Variants in PCDH15 observed in about 807,000 individuals in gnomAD.
PCDH15 encodes the protein protocadherin related 15.
PCDH15 carries 129 observed loss-of-function variants against 178.5 expected under a neutral mutation model. That is an observed-to-expected ratio of 0.72 (90% CI 0.63 to 0.84). The LOEUF is 0.84. Among genes scored for constraint, PCDH15 ranks in the 40% least tolerant of loss-of-function variants. The pLI, the probability that PCDH15 is intolerant of heterozygous loss-of-function variation, is 0.00. For missense variants in PCDH15, 2,230 were observed against 2,099.9 expected, an observed-to-expected ratio of 1.06 and a Z score of -1.21; for synonymous variants, 800 against 732.0, an observed-to-expected ratio of 1.09 and a Z score of -1.50.
chr10:55,449,916 GA>G (rs112713950), intron 2 of PCDH15, among the ~76,000 whole-genome samples: 46,997 of 151,788 alleles, frequency 0.31, 7,480 homozygotes, highest in African/African-American at 0.37. Flanking sequence ...CATTAATGAG[GA>G]CTTCATAACA....
At chr10:53,855,999 C>G (rs1035313140) in intron 28 of PCDH15, among the ~76,000 whole-genome samples, 5 of 148,048 alleles carry the variant, frequency 3.4e-5, no homozygotes, top group African/African-American at 5.0e-5. Context: ...TATTGGAGAC[C>G]ATTACTCTAA....
intron 1 of PCDH15, among the ~76,000 whole-genome samples, chr10:55,236,882 G>A (rs2799617): frequency 0.77 from 117,070 of 151,540 alleles, 45,626 homozygotes; most frequent in South Asian, 0.83. Flanking sequence ...ATAATTGATT[G>A]CTGTAATAAT....
intron 2 of PCDH15, among the ~76,000 whole-genome samples, chr10:55,582,589 T>G (rs1842635699): frequency 8.0e-6 from 1 of 125,048 alleles, no homozygotes; most frequent in Non-Finnish European, 1.6e-5. Flanking sequence ...ATTCTGTATG[T>G]GTATGTGTAT....
intron 2 of PCDH15, among the ~76,000 whole-genome samples, chr10:55,454,275 C>A (rs949222474): frequency 1.6e-4 from 25 of 152,006 alleles, no homozygotes; most frequent in African/African-American, 5.8e-4. Flanking sequence ...AATTGCTTAG[C>A]AAAGTTGTTT....
At position 54,275,641 on chromosome 10, in the gene PCDH15, A is replaced by G. The variant is rs74446159; in HGVS notation, c.877-38710T>C. 1.9e-3 allele frequency among the ~76,000 whole-genome samples: 282 copies of G among 151,696 alleles called. 5 individuals are homozygous for G. Among genetic ancestry groups the G allele is most frequent in the African/African-American group, 6.1e-3 (253 of 41,454 alleles). ...GTGGTGTCATTACAACCAAAATACT[A>G]AAAAAATGTGCAAGCCAATCTCAAA... On this transcript the variant is annotated intron_variant, in intron 8 of 37. Transcript: ENST00000644397.
At chr10:53,887,999 A>G (rs914619579) in intron 26 of PCDH15, among the ~76,000 whole-genome samples, 6 of 152,080 alleles carry the variant, frequency 3.9e-5, no homozygotes, top group Admixed American at 3.9e-4. Context: ...ATTAAAAACT[A>G]CAGAAATACT....
chr10:54,323,711 T>C (rs2061751130), intron 7 of PCDH15, among the ~76,000 whole-genome samples: 1 of 152,024 alleles, frequency 6.6e-6, no homozygotes, highest in Admixed American at 6.6e-5. Context: ...TGTGAACTGC[T>C]GGGGCAAGGA....
Position 54,195,819 on chromosome 10 carries a change from T to C in PCDH15, c.1169A>G (p.Asn390Ser), listed in dbSNP as rs397517450. 31 of 1,613,938 alleles carry C rather than the reference T, an allele frequency of 1.9e-5. No homozygotes were observed. Among genetic ancestry groups the C allele is most frequent in the Admixed American group, 1.3e-4 (8 of 60,000 alleles). ...GGGCATTGTAAAATATGGACTTTGA[T>C]TGTTTTCATCCAGTATTTCAATGTG... ...GLHIEILDEN[N>S]QSPYFTMPSY... The change falls in exon 11 of 38, where the codon AAT becomes AGT. Residue 390 changes from asparagine to serine, a missense_variant. Physicochemically the swap from Asn to Ser is conservative, Grantham distance 46 (BLOSUM62 1). Coordinates refer to ENST00000644397, the MANE Select transcript of PCDH15 (RefSeq NM_001384140.1).
intron 3 of PCDH15, among the ~76,000 whole-genome samples, chr10:54,466,623 TTTG>T (rs2077536746): frequency 6.6e-6 from 1 of 152,000 alleles, no homozygotes; most frequent in Non-Finnish European, 1.5e-5. Context: ...TGACTCCAGT[TTTG>T]TTCTTTTCAC....
At chr10:54,359,675 T>C (rs1041870795) in intron 5 of PCDH15, among the ~76,000 whole-genome samples, 2 of 152,038 alleles carry the variant, frequency 1.3e-5, no homozygotes, top group African/African-American at 2.4e-5. Flanking sequence ...GATATACTTA[T>C]AGAATGAAAC....
intron 2 of PCDH15, among the ~76,000 whole-genome samples, chr10:55,597,441 C>G (rs1336315179): frequency 5.9e-5 from 9 of 152,088 alleles, no homozygotes. Context: ...TGAACCTAGT[C>G]AGAACCCTAA....
chr10:55,157,694 CTAT>C (rs1336658665), intron 2 of PCDH15, among the ~76,000 whole-genome samples: 1 of 151,738 alleles, frequency 6.6e-6, no homozygotes, highest in African/African-American at 2.4e-5. Context: ...TCCTAGCAAA[CTAT>C]CACAAGGACA....
chr10:54,638,081 G>A (rs1429472470), intron 2 of PCDH15, among the ~76,000 whole-genome samples: 2 of 151,910 alleles, frequency 1.3e-5, no homozygotes, highest in Admixed American at 1.3e-4. Context: ...CATGGAAACA[G>A]GGAGACTCCC....
At chr10:54,472,512 G>A (rs530644924) in intron 3 of PCDH15, among the ~76,000 whole-genome samples, 12 of 152,074 alleles carry the variant, frequency 7.9e-5, no homozygotes, top group African/African-American at 2.4e-4. Flanking sequence ...CAAAACCCAC[G>A]TATGAAACAA....
Position 53,828,583 on chromosome 10 carries a change from A to G in PCDH15, c.4203-10T>C, listed in dbSNP as rs2132598726. The G allele has an allele frequency of 1.9e-6, 3 of 1,545,902 alleles. No homozygotes were observed. Among genetic ancestry groups the G allele is most frequent in the Non-Finnish European group, 2.7e-6 (3 of 1,118,724 alleles). On this transcript the variant is annotated splice_polypyrimidine_tract_variant and intron_variant, in intron 30 of 37. Coordinates refer to ENST00000644397, the MANE Select transcript of PCDH15 (RefSeq NM_001384140.1). The stretch of plus-strand genomic sequence containing the variant: ...TACTTACACTTTAAACCTGTTTGGG[A>G]AAGCAAGAGTAAGAAAAATAGAAAG...
intron 2 of PCDH15, among the ~76,000 whole-genome samples, chr10:55,157,565 A>G (rs1328852799): frequency 1.3e-5 from 2 of 149,698 alleles, no homozygotes; most frequent in Non-Finnish European, 3.0e-5. Flanking sequence ...CAAATGTCCA[A>G]CAATGATAGA....
intron 13 of PCDH15, among the ~76,000 whole-genome samples, chr10:54,178,861 C>T (rs1006821620): frequency 1.3e-5 from 2 of 152,080 alleles, no homozygotes; most frequent in African/African-American, 2.4e-5. Flanking sequence ...ATCAAAACCA[C>T]AATGAGATAC....
At chr10:54,088,314 C>T (rs562687576) in intron 16 of PCDH15, among the ~76,000 whole-genome samples, 2 of 152,074 alleles carry the variant, frequency 1.3e-5, no homozygotes, top group East Asian at 1.9e-4. Context: ...GAACAGTGAT[C>T]GTGATCATAT....
At chr10:54,429,506 C>T (rs1051331161) in intron 3 of PCDH15, among the ~76,000 whole-genome samples, 3 of 151,922 alleles carry the variant, frequency 2.0e-5, no homozygotes, top group African/African-American at 7.3e-5. Flanking sequence ...TGTAAATGGA[C>T]TAAATGCTTC....
Sources: gnomAD v4.1 joint callset for allele counts (sites outside exome capture counted in the v4.1 genomes callset) on GRCh38, gnomAD v4.1.1 for gene constraint, MANE v1.5 for transcripts, NCBI Gene and HGNC (gene_info 2026-07-23, HGNC 2026-07-21) for gene names.